MACROD2: variants seen among roughly 807,000 people sequenced by gnomAD.
MACROD2 encodes the protein ADP-ribose glycohydrolase MACROD2.
MACROD2 carries 36 observed loss-of-function variants against 70.4 expected under a neutral mutation model. The ratio of observed to expected loss-of-function variants is 0.51; its 90% CI spans 0.39 to 0.68. MACROD2 has a LOEUF of 0.68. Among genes scored for constraint, MACROD2 ranks in the 30% least tolerant of loss-of-function variants. MACROD2 has a pLI of 0.00. For missense variants in MACROD2, 496 were observed against 538.4 expected (o/e 0.92, Z 0.78); for synonymous variants, 172 against 178.8 (o/e 0.96, Z 0.30).
At chr20:14,198,089 A>G (rs541927048) in intron 3 of MACROD2, among the ~76,000 whole-genome samples, 24 of 152,152 alleles carry the variant, frequency 1.6e-4, no homozygotes, top group Admixed American at 1.4e-3. Flanking sequence ...TGCCTACTTT[A>G]TAACAACTTT....
intron 5 of MACROD2, among the ~76,000 whole-genome samples, chr20:14,924,482 A>C (rs2122649852): frequency 6.6e-6 from 1 of 152,246 alleles, no homozygotes; most frequent in Non-Finnish European, 1.5e-5. Context: ...AAAGAAAGAA[A>C]GTAGAGTTAA....
At chr20:14,719,760 TTTACA>T (rs1448374460) in intron 5 of MACROD2, among the ~76,000 whole-genome samples, 1 of 152,164 alleles carries the variant, frequency 6.6e-6, no homozygotes, top group African/African-American at 2.4e-5. Context: ...GAAATTGTAG[TTTACA>T]TTACTTCTAA....
intron 6 of MACROD2, among the ~76,000 whole-genome samples, chr20:15,399,542 A>C (rs1224858945): frequency 6.6e-6 from 1 of 152,168 alleles, no homozygotes; most frequent in Non-Finnish European, 1.5e-5. Context: ...ATTTCTCTAG[A>C]ACATATATAA....
intron 13 of MACROD2, 52 bp downstream of exon 13, chr20:15,967,682 A>AG (rs1491384405): frequency 3.1e-6 from 1 of 320,908 alleles, no homozygotes; most frequent in Non-Finnish European, 4.4e-6. Context: ...TGGGAAACAG[A>AG]AAAAAAAAAA....
chr20:16,016,459 C>T (rs1442639297), intron 15 of MACROD2, among the ~76,000 whole-genome samples: 1 of 152,176 alleles, frequency 6.6e-6, no homozygotes, highest in Non-Finnish European at 1.5e-5. Context: ...TTGATATCTC[C>T]TTTGAACTCT....
intron 3 of MACROD2, among the ~76,000 whole-genome samples, chr20:14,464,348 G>T (rs1424354126): frequency 1.3e-5 from 2 of 152,120 alleles, no homozygotes; most frequent in Admixed American, 1.3e-4. Context: ...TTCTCTGATT[G>T]TAGTTTGTAT....
At chr20:15,140,992 T>A (rs946653248) in intron 5 of MACROD2, among the ~76,000 whole-genome samples, 1 of 152,206 alleles carries the variant, frequency 6.6e-6, no homozygotes, top group African/African-American at 2.4e-5. Flanking sequence ...CAGATTCCAT[T>A]TACATGCATT....
At chr20:14,964,011 A>G (rs998971171) in intron 5 of MACROD2, among the ~76,000 whole-genome samples, 3 of 152,178 alleles carry the variant, frequency 2.0e-5, no homozygotes, top group African/African-American at 7.2e-5. Flanking sequence ...TTTAAACAAT[A>G]TAGAGATGGA....
intron 4 of MACROD2, among the ~76,000 whole-genome samples, chr20:14,589,232 T>G (rs1265742185): frequency 6.6e-6 from 1 of 152,164 alleles, no homozygotes; most frequent in African/African-American, 2.4e-5. Context: ...ACTCAATTTT[T>G]TATACACTTG....
intron 15 of MACROD2, among the ~76,000 whole-genome samples, chr20:15,987,704 C>G (rs1016788277): frequency 3.3e-5 from 5 of 151,972 alleles, no homozygotes; most frequent in African/African-American, 1.2e-4. Context: ...GAGGAATGAA[C>G]ACTCCTTAAA....
chr20:14,859,261 C>G (rs1310365893), intron 5 of MACROD2, among the ~76,000 whole-genome samples: 2 of 151,944 alleles, frequency 1.3e-5, no homozygotes, highest in African/African-American at 4.8e-5. Flanking sequence ...GGTTCACTGC[C>G]AAGCAAATAG....
chr20:14,826,344 C>T (rs549444928), intron 5 of MACROD2, among the ~76,000 whole-genome samples: 1 of 152,158 alleles, frequency 6.6e-6, no homozygotes, highest in South Asian at 2.1e-4. Flanking sequence ...GTTTTAGCAT[C>T]CTCATTGTAT....
At chr20:15,290,970 A>G (rs569533401) in intron 6 of MACROD2, among the ~76,000 whole-genome samples, 7 of 152,236 alleles carry the variant, frequency 4.6e-5, no homozygotes, top group Non-Finnish European at 8.8e-5. Context: ...AAAACATGAA[A>G]TGATAGGCTA....
intron 3 of MACROD2, among the ~76,000 whole-genome samples, chr20:14,230,241 G>C (rs1392625098): frequency 6.6e-6 from 1 of 152,014 alleles, no homozygotes; most frequent in Non-Finnish European, 1.5e-5. Flanking sequence ...CTGTAGCACG[G>C]GATGCTGTTT....
In MACROD2 at chr20:15,875,625, G is replaced by T. The variant is rs78866098; in HGVS notation, c.728-10139G>T. ...AGCAACCTGAATGCAGGAACAAGCA[G>T]CCGGCATAGACAGAAAGCAATCTGT... On this transcript the variant is annotated intron_variant, in intron 9 of 17. Coordinates refer to ENST00000684519, the MANE Select transcript of MACROD2 (RefSeq NM_001351661.2). Among the ~76,000 whole-genome samples the T allele has an allele frequency of 4.8e-3, 736 of 151,962 alleles. 26 individuals are homozygous for T. In the East Asian group the frequency reaches 0.093, roughly 19 times the overall value.
At chr20:14,371,587 A>G (rs1020539172) in intron 3 of MACROD2, among the ~76,000 whole-genome samples, 2 of 152,200 alleles carry the variant, frequency 1.3e-5, no homozygotes, top group African/African-American at 2.4e-5. Context: ...AGATTTTAAA[A>G]TATAGATTAT....
intron 6 of MACROD2, among the ~76,000 whole-genome samples, chr20:15,310,667 G>T (rs1464499515): frequency 1.3e-5 from 2 of 152,140 alleles, no homozygotes; most frequent in African/African-American, 4.8e-5. Flanking sequence ...GGACAAAATT[G>T]TGTTAGACAA....
chr20:15,195,434 C>T (rs1465264938), intron 5 of MACROD2, among the ~76,000 whole-genome samples: 1 of 152,072 alleles, frequency 6.6e-6, no homozygotes, highest in Non-Finnish European at 1.5e-5. Context: ...CATGAACAGA[C>T]ACCTCTCAAA....
intron 8 of MACROD2, among the ~76,000 whole-genome samples, chr20:15,762,727 A>G (rs2051456173): frequency 6.6e-6 from 1 of 152,246 alleles, no homozygotes; most frequent in Non-Finnish European, 1.5e-5. Context: ...GGTGAGGGAC[A>G]TGTAAGATAA....
Sources: allele counts gnomAD v4.1 joint callset (sites outside exome capture counted in the v4.1 genomes callset), GRCh38; gene constraint gnomAD v4.1.1; transcripts MANE v1.5; gene names NCBI Gene and HGNC (gene_info 2026-07-23, HGNC 2026-07-21).